The following HS2ST1 variants were observed in gnomAD, a reference collection of about 807,000 sequenced individuals.
The protein encoded by HS2ST1 is heparan sulfate 2-O-sulfotransferase 1, also known as 2-O-sulfotransferase.
HS2ST1 carries 18 observed loss-of-function variants against 42.9 expected under a neutral mutation model. The observed-to-expected ratio is 0.42, with a 90% CI of 0.29 to 0.62. The LOEUF is 0.62. Ranked by LOEUF, HS2ST1 falls within the 20% of genes least tolerant of loss-of-function variation. HS2ST1 has a pLI of 0.21. For synonymous variants in HS2ST1, 146 were observed against 152.9 expected (o/e 0.95, Z 0.33); for missense variants, 334 against 433.8 (o/e 0.77, Z 2.04).
intron 1 of HS2ST1, among the ~76,000 whole-genome samples, chr1:86,997,029 G>A (rs1267079200): frequency 6.6e-6 from 1 of 152,116 alleles, no homozygotes. Context: ...CGACTTGAGG[G>A]TCTGTGATTC....
chr1:86,962,068 A>C (rs896531508), intron 1 of HS2ST1, among the ~76,000 whole-genome samples: 8 of 152,150 alleles, frequency 5.3e-5, no homozygotes, highest in African/African-American at 1.9e-4. Flanking sequence ...TGTTCTATAC[A>C]TCTAGTTTAA....
chr1:86,930,434 T>G (rs1008135290), intron 1 of HS2ST1, among the ~76,000 whole-genome samples: 1 of 151,898 alleles, frequency 6.6e-6, no homozygotes, highest in Non-Finnish European at 1.5e-5. Flanking sequence ...CCTTTTACAT[T>G]TCACCTAACC....
intron 1 of HS2ST1, among the ~76,000 whole-genome samples, chr1:86,919,572 T>A (rs565310525): frequency 2.0e-5 from 3 of 152,196 alleles, no homozygotes; most frequent in Non-Finnish European, 4.4e-5. Context: ...TGTTCTTGGA[T>A]CAATTTTGGA....
intron 1 of HS2ST1, among the ~76,000 whole-genome samples, chr1:86,961,299 T>C (rs921830446): frequency 2.0e-5 from 3 of 152,102 alleles, no homozygotes; most frequent in African/African-American, 7.2e-5. Context: ...TGATGAATAT[T>C]ACAAATACAG....
intron 1 of HS2ST1, among the ~76,000 whole-genome samples, chr1:87,009,916 T>C (rs1649546891): frequency 6.6e-6 from 1 of 152,008 alleles, no homozygotes; most frequent in Non-Finnish European, 1.5e-5. Context: ...GCACCTGTAG[T>C]CCCAGCTACT....
At chr1:87,050,053 G>A (rs1236379039) in intron 1 of HS2ST1, among the ~76,000 whole-genome samples, 1 of 151,730 alleles carries the variant, frequency 6.6e-6, no homozygotes, top group Admixed American at 6.6e-5. Flanking sequence ...TCATGAATAT[G>A]GCTACACCAG....
intron 1 of HS2ST1, among the ~76,000 whole-genome samples, chr1:87,019,102 A>T (rs935696365): frequency 1.6e-4 from 25 of 152,344 alleles, no homozygotes; most frequent in Middle Eastern, 3.4e-3. Context: ...AGATTTATCA[A>T]TCAGCAATGT....
Position 86,915,013 on chromosome 1 carries a change from T to G in HS2ST1, c.-24T>G. On this transcript the variant is annotated 5_prime_UTR_variant, in exon 1 of 7. Coordinates refer to ENST00000370550, the MANE Select transcript of HS2ST1 (RefSeq NM_012262.4). Reference sequence around the variant, plus strand: ...CCCGCTCCCCGCCCCCCGCGGTATGTCTTGATCCCGAGCAGCGGGTTTCAT... The same window carrying G: ...CCCGCTCCCCGCCCCCCGCGGTATGGCTTGATCCCGAGCAGCGGGTTTCAT... The G allele has an allele frequency of 6.2e-7, 1 of 1,613,798 alleles. No homozygotes were observed. Among genetic ancestry groups the G allele is most frequent in the Non-Finnish European group, 8.5e-7 (1 of 1,179,940 alleles).
intron 1 of HS2ST1, among the ~76,000 whole-genome samples, chr1:87,043,441 T>C (rs150583868): frequency 6.6e-6 from 1 of 152,256 alleles, no homozygotes; most frequent in Admixed American, 6.5e-5. Flanking sequence ...CCTTATGCTT[T>C]ACCTGATTTA....
intron 1 of HS2ST1, among the ~76,000 whole-genome samples, chr1:86,978,657 A>G (rs1355247895): frequency 6.6e-6 from 1 of 152,186 alleles, no homozygotes; most frequent in African/African-American, 2.4e-5. Flanking sequence ...AGATCTGAAC[A>G]TTGAGAATAT....
intron 1 of HS2ST1, among the ~76,000 whole-genome samples, chr1:86,925,336 C>T (rs1306112600): frequency 6.6e-6 from 1 of 152,212 alleles, no homozygotes; most frequent in Non-Finnish European, 1.5e-5. Flanking sequence ...TAACCTCTGC[C>T]TATTACCCAG....
chr1:87,044,739 C>G (rs535547335), intron 1 of HS2ST1, among the ~76,000 whole-genome samples: 25 of 152,294 alleles, frequency 1.6e-4, no homozygotes, highest in Non-Finnish European at 2.9e-5. Context: ...AAGCTATATT[C>G]CTACTTTCAG....
chr1:87,073,195 C>T, intron 2 of HS2ST1, 23 bp downstream of exon 2: 1 of 1,482,584 alleles, frequency 6.7e-7, no homozygotes, highest in Non-Finnish European at 9.4e-7. Flanking sequence ...TAAGGAATGC[C>T]CAAATATTTT....
chr1:87,092,761 T>G, intron 4 of HS2ST1, 92 bp downstream of exon 4: 1 of 798,532 alleles, frequency 1.3e-6, no homozygotes, highest in East Asian at 3.6e-5. Context: ...AATTATAAAT[T>G]TATTACTTGC....
chr1:87,021,996 T>C (rs902928337), intron 1 of HS2ST1, among the ~76,000 whole-genome samples: 1 of 152,248 alleles, frequency 6.6e-6, no homozygotes, highest in Admixed American at 6.5e-5. Flanking sequence ...TACTTTGAGT[T>C]AATTTCTATG....
intron 1 of HS2ST1, among the ~76,000 whole-genome samples, chr1:87,011,050 T>C (rs1214045903): frequency 6.6e-6 from 1 of 152,104 alleles, no homozygotes; most frequent in Non-Finnish European, 1.5e-5. Context: ...CCTCCCAAAG[T>C]GCTGGGATTA....
Position 86,914,751 on chromosome 1 carries a change from G to A in HS2ST1, c.-286G>A. On this transcript the variant is annotated 5_prime_UTR_variant, in exon 1 of 7. Coordinates refer to ENST00000370550, the MANE Select transcript of HS2ST1 (RefSeq NM_012262.4). ...GGGGGTCGGGGACTGAGGCAGTAGAGGGAGGCGAGAGCCCGGCAGCCGCTT... is the reference window on the plus strand; with the variant it reads ...GGGGGTCGGGGACTGAGGCAGTAGAAGGAGGCGAGAGCCCGGCAGCCGCTT... The A allele has an allele frequency of 2.2e-6, 1 of 462,788 alleles. No individual in the cohort carries two copies. The highest frequency in any genetic ancestry group is 3.9e-6 in the Non-Finnish European group (1 of 257,590). The allele number at this position is 462,788 out of a possible 1,614,324, so 28.7% of individuals were successfully genotyped here. A position where few individuals can be genotyped will look rare whatever the true frequency, so the allele number is the denominator to read the frequency against.
intron 1 of HS2ST1, among the ~76,000 whole-genome samples, chr1:87,057,885 T>G (rs1470493895): frequency 6.6e-6 from 1 of 151,544 alleles, no homozygotes; most frequent in Non-Finnish European, 1.5e-5. Flanking sequence ...AAAACTGTAT[T>G]TTTTGTCTTA....
At chr1:86,960,701 T>G (rs1647814874) in intron 1 of HS2ST1, among the ~76,000 whole-genome samples, 1 of 152,138 alleles carries the variant, frequency 6.6e-6, no homozygotes, top group Admixed American at 6.5e-5. Flanking sequence ...TTAGAGAACA[T>G]GCAAATTTAA....
Sources: gnomAD v4.1 joint callset for allele counts (sites outside exome capture counted in the v4.1 genomes callset) on GRCh38, gnomAD v4.1.1 for gene constraint, MANE v1.5 for transcripts, NCBI Gene and HGNC (gene_info 2026-07-23, HGNC 2026-07-21) for gene names.